Variants in SULT4A1 observed in about 807,000 individuals in gnomAD.
The protein encoded by SULT4A1 is sulfotransferase family 4A member 1, also known as sulfotransferase 4A1.
Under a neutral mutation model 35.2 loss-of-function variants are expected in SULT4A1, and 11 were observed. That is an observed-to-expected ratio of 0.31 (90% CI 0.20 to 0.52). SULT4A1 has a LOEUF of 0.52. Among genes scored for constraint, SULT4A1 ranks in the 20% least tolerant of loss-of-function variants. The probability of loss-of-function intolerance (pLI) is 0.97; values close to 1 mark genes in which losing one functional copy is unlikely to be tolerated. For missense variants in SULT4A1, 271 were observed against 383.7 expected (o/e 0.71, Z 2.45); for synonymous variants, 152 against 151.8 (o/e 1.00, Z -0.01).
intron 1 of SULT4A1, among the ~76,000 whole-genome samples, chr22:43,854,018 G>T (rs2049373978): frequency 6.6e-6 from 1 of 152,196 alleles, no homozygotes; most frequent in African/African-American, 2.4e-5. Context: ...AGGAGGCTCT[G>T]GTGTGCGGCA....
chr22:43,845,272 C>G (rs975320213), intron 1 of SULT4A1, among the ~76,000 whole-genome samples: 3 of 152,154 alleles, frequency 2.0e-5, no homozygotes, highest in Non-Finnish European at 4.4e-5. Flanking sequence ...CCCAGGTCCA[C>G]CCCTCCACAC....
Position 43,862,246 on chromosome 22 carries a change from C to A in SULT4A1, c.137G>T (p.Ser46Ile). Residue 46 changes from serine (S) to isoleucine (I), a missense_variant, in exon 1 of 7, where the codon AGC becomes ATC. By Grantham distance (142) the Ser-to-Ile change is moderately radical. Transcript: ENST00000330884. ...GGGGTAGGTGACGATCCACACGTCG[C>A]TGGGCCGCACCGGGAAGTTGGCGAT... The part of the protein sequence containing the change: ...EEIANFPVRP[S>I]DVWIVTYPKS... The A allele has an allele frequency of 6.4e-7, 1 of 1,568,170 alleles. No homozygotes were observed. Among genetic ancestry groups the A allele is most frequent in the South Asian group, 1.1e-5 (1 of 87,790 alleles).
chr22:43,844,155 G>A (rs569395795), intron 1 of SULT4A1, among the ~76,000 whole-genome samples: 5 of 152,300 alleles, frequency 3.3e-5, no homozygotes, highest in South Asian at 2.1e-4. Flanking sequence ...GAGGAAAAGC[G>A]GTTTGAGGGC....
rs752116118 is a variant in SULT4A1 at position 43,829,067 on chromosome 22, C to A, written c.735G>T (p.Val245=). ...GCAGGGTGGGGCACGTACCCCGGCC[C>A]ACGGGCAGGGCCTCAGCGTTGCAGC... ...DQCCNAEALP[V]GRGRVGLWKD... The change falls in exon 6 of 7, where the codon GTG becomes GTT. Residue 245 remains valine (V), a synonymous_variant. Transcript: ENST00000330884. 24 of 1,530,154 alleles carry A rather than the reference C, an allele frequency of 1.6e-5. No individual in the cohort carries two copies. In the South Asian group the frequency reaches 2.8e-4, roughly 18 times the overall value. The allele number at this position is 1,530,154 out of a possible 1,614,324, so 94.8% of individuals were successfully genotyped here. A position where few individuals can be genotyped will look rare whatever the true frequency, so the allele number is the denominator to read the frequency against.
intron 4 of SULT4A1, 42 bp from the exon 5 acceptor site, chr22:43,833,776 G>A (rs370657046): frequency 4.6e-6 from 7 of 1,524,512 alleles, no homozygotes; most frequent in Admixed American, 2.0e-5. Context: ...GGCTGGGCAG[G>A]AGAAGCGCAC....
At chr22:43,846,712 T>C (rs1169975967) in intron 1 of SULT4A1, among the ~76,000 whole-genome samples, 1 of 152,238 alleles carries the variant, frequency 6.6e-6, no homozygotes, top group East Asian at 1.9e-4. Flanking sequence ...AAGGCCAAAA[T>C]GTGCCAAGGG....
chr22:43,847,630 C>T (rs2063485196), intron 1 of SULT4A1, among the ~76,000 whole-genome samples: 1 of 151,972 alleles, frequency 6.6e-6, no homozygotes, highest in East Asian at 2.0e-4. Context: ...AAGCCCAGCG[C>T]CCCAGTGGCC....
chr22:43,839,608 A>G (rs1406333617), intron 3 of SULT4A1, among the ~76,000 whole-genome samples: 1 of 152,030 alleles, frequency 6.6e-6, no homozygotes, highest in African/African-American at 2.4e-5. Flanking sequence ...AAACAAACAA[A>G]CAAAAAAACC....
chr22:43,830,313 G>T (rs1488928295), intron 5 of SULT4A1, among the ~76,000 whole-genome samples: 4 of 152,200 alleles, frequency 2.6e-5, no homozygotes, highest in African/African-American at 9.6e-5. Flanking sequence ...CCGCAAGAAG[G>T]ACACAGCTGG....
chr22:43,831,590 G>A lies in SULT4A1; in HGVS notation c.603+2050C>T, dbSNP rs140156310. Among the ~76,000 whole-genome samples the A allele has an allele frequency of 5.6e-3, 848 of 152,314 alleles. 7 individuals are homozygous for A. The highest frequency in any genetic ancestry group is 0.019 in the African/African-American group (790 of 41,570). ...CCCGGCAACACTGGATGGATGAAGC[G>A]GTGGCACATTCGTGCTGCAACGGAG... On this transcript the variant is annotated intron_variant, in intron 5 of 6. Coordinates refer to ENST00000330884, the MANE Select transcript of SULT4A1 (RefSeq NM_014351.4).
chr22:43,827,412 C>A (rs1211517360), intron 6 of SULT4A1: 35 of 1,186,810 alleles, frequency 2.9e-5, no homozygotes, highest in Non-Finnish European at 3.6e-5. Context: ...TTTAATGATA[C>A]CTAAGGGGCA....
chr22:43,828,030 AGAG>A (rs1289425379), intron 6 of SULT4A1, among the ~76,000 whole-genome samples: 4 of 152,126 alleles, frequency 2.6e-5, no homozygotes, highest in African/African-American at 9.7e-5. Flanking sequence ...GCCCCTTTTC[AGAG>A]AAGAACAAAA....
chr22:43,861,364 T>C (rs2269607), intron 1 of SULT4A1, among the ~76,000 whole-genome samples: 35,898 of 152,180 alleles, frequency 0.24, 4,459 homozygotes, highest in African/African-American at 0.32. Flanking sequence ...TCCCAGGGCA[T>C]GTTTACAGAA....
chr22:43,861,052 C>G (rs543980548), intron 1 of SULT4A1, among the ~76,000 whole-genome samples: 1 of 152,312 alleles, frequency 6.6e-6, no homozygotes, highest in Non-Finnish European at 1.5e-5. Flanking sequence ...GCCAACGACA[C>G]GCTTAGCCAT....
chr22:43,856,026 G>C (rs1009121167), intron 1 of SULT4A1, among the ~76,000 whole-genome samples: 1 of 152,232 alleles, frequency 6.6e-6, no homozygotes, highest in Non-Finnish European at 1.5e-5. Flanking sequence ...TCTGAAGCCA[G>C]AGAAGCCAGA....
At position 43,833,635 on chromosome 22, in the gene SULT4A1, C is replaced by A; in HGVS notation, c.603+5G>T. On this transcript the variant is annotated splice_donor_5th_base_variant and intron_variant, in intron 5 of 6. Transcript: ENST00000330884. ...CCGGAGGACAGCTGCTCCGGCAGCA[C>A]TCACCCGATGCATGTCTTCATACTT... is the stretch of plus-strand genomic sequence containing the variant. The A allele has an allele frequency of 6.3e-7, 1 of 1,592,304 alleles. No individual in the cohort carries two copies. Among genetic ancestry groups the A allele is most frequent in the South Asian group, 1.1e-5 (1 of 87,928 alleles).
intron 1 of SULT4A1, among the ~76,000 whole-genome samples, chr22:43,850,967 G>A (rs991365364): frequency 3.3e-5 from 5 of 152,078 alleles, no homozygotes; most frequent in Non-Finnish European, 7.4e-5. Flanking sequence ...GGTTGGGGGT[G>A]TCTTTTATTG....
At chr22:43,854,281 T>C (rs1158618386) in intron 1 of SULT4A1, among the ~76,000 whole-genome samples, 2 of 152,218 alleles carry the variant, frequency 1.3e-5, no homozygotes, top group African/African-American at 4.8e-5. Flanking sequence ...TCTCTGCTTA[T>C]TCTTCTGCAC....
chr22:43,839,921 G>C, intron 3 of SULT4A1, 24 bp downstream of exon 3: 1 of 1,591,616 alleles, frequency 6.3e-7, no homozygotes, highest in Non-Finnish European at 8.6e-7. Context: ...CTCATCTCGG[G>C]AGGCAGAGGA....
Sources: allele counts gnomAD v4.1 joint callset (sites outside exome capture counted in the v4.1 genomes callset), GRCh38; gene constraint gnomAD v4.1.1; transcripts MANE v1.5; gene names NCBI Gene and HGNC (gene_info 2026-07-23, HGNC 2026-07-21).